The following SYT13 variants were observed in gnomAD, a reference collection of about 807,000 sequenced individuals.
The protein encoded by SYT13 is synaptotagmin-13.
Under a neutral mutation model 38.6 loss-of-function variants are expected in SYT13, and 21 were observed. The ratio of observed to expected loss-of-function variants is 0.54; its 90% CI spans 0.39 to 0.78. The LOEUF is 0.78. Ranked by LOEUF, SYT13 falls within the 30% of genes least tolerant of loss-of-function variation. The pLI is 0.00. For synonymous variants in SYT13, 241 were observed against 237.6 expected, an observed-to-expected ratio of 1.01 and a Z score of -0.13; for missense variants, 495 against 548.7, an observed-to-expected ratio of 0.90 and a Z score of 0.98.
intron 1 of SYT13, among the ~76,000 whole-genome samples, chr11:45,264,798 A>T (rs1854861879): frequency 6.6e-6 from 1 of 152,210 alleles, no homozygotes; most frequent in Admixed American, 6.5e-5. Context: ...TGTAGACACC[A>T]CTACACACCC....
intron 4 of SYT13, 141 bp from the exon 5 acceptor site, chr11:45,246,653 G>T: frequency 1.6e-6 from 2 of 1,236,112 alleles, no homozygotes; most frequent in Non-Finnish European, 2.2e-6. Flanking sequence ...ATGCTGGGGT[G>T]TCCACCCTTG....
chr11:45,270,908 G>A (rs1227436098), intron 1 of SYT13, among the ~76,000 whole-genome samples: 4 of 152,154 alleles, frequency 2.6e-5, no homozygotes, highest in African/African-American at 7.2e-5. Context: ...AAGTCAAACC[G>A]CTCCACATTA....
At chr11:45,274,195 G>T (rs1854983119) in intron 1 of SYT13, among the ~76,000 whole-genome samples, 2 of 152,104 alleles carry the variant, frequency 1.3e-5, no homozygotes, top group Non-Finnish European at 2.9e-5. Flanking sequence ...CTCAAAGATT[G>T]TTACCTAAAA....
intron 1 of SYT13, among the ~76,000 whole-genome samples, chr11:45,272,486 A>G (rs1195199593): frequency 3.9e-5 from 6 of 152,206 alleles, no homozygotes; most frequent in East Asian, 1.9e-4. Context: ...GATGGCCATT[A>G]AGGTGCTGCT....
At position 45,246,644 on chromosome 11, in the gene SYT13, T is replaced by C. The variant is rs571303715; in HGVS notation, c.847-132A>G. 24 of 1,316,310 alleles carry C rather than the reference T, an allele frequency of 1.8e-5. No individual in the cohort carries two copies. In the African/African-American group the frequency reaches 2.8e-4, roughly 15 times the overall value. The allele number at this position is 1,316,310 out of a possible 1,614,324, so 81.5% of individuals were successfully genotyped here. On this transcript the variant is annotated intron_variant, in intron 4 of 5. Transcript: ENST00000020926. The stretch of plus-strand genomic sequence containing the variant: ...ATCCTTGAAACCATTTACCCGTCAA[T>C]GCTGGGGTGTCCACCCTTGCAGAAG...
At chr11:45,266,292 C>T (rs981947014) in intron 1 of SYT13, among the ~76,000 whole-genome samples, 1 of 152,162 alleles carries the variant, frequency 6.6e-6, no homozygotes, top group Non-Finnish European at 1.5e-5. Context: ...CTGACACGTA[C>T]TCTAGGGAAG....
chr11:45,251,386 T>TAAAAAAAAAAAAA (rs10649998), intron 4 of SYT13, among the ~76,000 whole-genome samples: 2 of 75,372 alleles, frequency 2.7e-5, no homozygotes, highest in African/African-American at 1.2e-4. Context: ...AGACTCTGTC[T>TAAAAAAAAAAAAA]AAAAAAAAAA....
chr11:45,251,556 G>A (rs1854675453), intron 4 of SYT13, among the ~76,000 whole-genome samples: 1 of 152,132 alleles, frequency 6.6e-6, no homozygotes, highest in South Asian at 2.1e-4. Flanking sequence ...ATCTGGTTGA[G>A]AGACTAGTCA....
Position 45,270,959 on chromosome 11 carries a change from C to T in SYT13, c.183+15066G>A, listed in dbSNP as rs536756142. Among the ~76,000 whole-genome samples, 20 of 152,304 alleles carry T rather than the reference C, an allele frequency of 1.3e-4. 1 individual carries two copies. In the South Asian group the frequency reaches 4.1e-3, roughly 32 times the overall value. On this transcript the variant is annotated intron_variant, in intron 1 of 5. Transcript: ENST00000020926. ...GAAATCAGAACATACTTGTTGCCTG[C>T]CAATCACCTGTTCACCCACCCTACA... is the stretch of plus-strand genomic sequence containing the variant.
chr11:45,270,439 C>G (rs926108423), intron 1 of SYT13, among the ~76,000 whole-genome samples: 2 of 152,056 alleles, frequency 1.3e-5, no homozygotes, highest in African/African-American at 4.8e-5. Flanking sequence ...TTCAGAGAAG[C>G]TATAGGATTA....
At position 45,250,394 on chromosome 11, in the gene SYT13, G is replaced by T. The variant is rs564737239; in HGVS notation, c.846+2027C>A. ...TGGCACATGGTAGAAACTGGGCAAG[G>T]TATTTGCAGAATGAATGAATGAGTG... is the stretch of plus-strand genomic sequence containing the variant. On this transcript the variant is annotated intron_variant, in intron 4 of 5. Coordinates refer to ENST00000020926, the MANE Select transcript of SYT13 (RefSeq NM_020826.3). 3.9e-5 allele frequency among the ~76,000 whole-genome samples: 6 copies of T among 152,346 alleles called. No homozygotes were observed. In the South Asian group the frequency reaches 1.0e-3, roughly 26 times the overall value.
Position 45,246,232 on chromosome 11 carries a change from G to A in SYT13, c.976+151C>T, listed in dbSNP as rs563462857. The A allele has an allele frequency of 1.1e-4, 120 of 1,141,778 alleles. 2 individuals carry two copies. In the South Asian group the frequency reaches 1.9e-3, roughly 18 times the overall value. The allele number at this position is 1,141,778 out of a possible 1,614,324, so 70.7% of individuals were successfully genotyped here. A position where few individuals can be genotyped will look rare whatever the true frequency, so the allele number is the denominator to read the frequency against. ...CTCGAAAATCAATTTGTGAACTTAGGGTGAAGAACACCGCTGAGCATGGCT... is the reference window on the plus strand; with the variant it reads ...CTCGAAAATCAATTTGTGAACTTAGAGTGAAGAACACCGCTGAGCATGGCT... On this transcript the variant is annotated intron_variant, in intron 5 of 5. Transcript: ENST00000020926.
At chr11:45,254,923 G>A (rs760419344) in intron 2 of SYT13, among the ~76,000 whole-genome samples, 1 of 150,720 alleles carries the variant, frequency 6.6e-6, no homozygotes, top group Admixed American at 6.6e-5. Context: ...AGACCAGCCT[G>A]GGCCACATAG....
chr11:45,255,591 A>G (rs1220054349), intron 2 of SYT13, 75 bp downstream of exon 2: 2 of 1,435,074 alleles, frequency 1.4e-6, no homozygotes, highest in Admixed American at 3.9e-5. Flanking sequence ...CAGGCCACAC[A>G]CAGCATCTAC....
At chr11:45,258,697 G>C (rs192068238) in intron 1 of SYT13, among the ~76,000 whole-genome samples, 3 of 152,174 alleles carry the variant, frequency 2.0e-5, no homozygotes, top group Non-Finnish European at 2.9e-5. Context: ...CTGGGAGGCC[G>C]AGCTGGCCTT....
At position 45,264,896 on chromosome 11, in the gene SYT13, G is replaced by A. The variant is rs115002720; in HGVS notation, c.184-9005C>T. Among the ~76,000 whole-genome samples, 1,092 of 152,316 alleles carry A rather than the reference G, an allele frequency of 7.2e-3. 16 individuals are homozygous for A. Among genetic ancestry groups the A allele is most frequent in the African/African-American group, 0.025 (1,046 of 41,568 alleles). ...GGGATGGTCACTAGTGCCGGTGGAA[G>A]GGAAAATGGCAAGCCACGTTGGAAA... On this transcript the variant is annotated intron_variant, in intron 1 of 5. Transcript: ENST00000020926.
rs1317654091 is a variant in SYT13 at position 45,247,218 on chromosome 11, G to A, written c.847-706C>T. ...GTTTATTTGGAATTTCAACAAATCC[G>A]TCAAGGGACAAGAATGACCGAAAGA... On this transcript the variant is annotated intron_variant, in intron 4 of 5. Transcript: ENST00000020926. 4.6e-5 allele frequency among the ~76,000 whole-genome samples: 7 copies of A among 152,180 alleles called. No homozygotes were observed. In the East Asian group the frequency reaches 5.8e-4, roughly 13 times the overall value.
At chr11:45,270,774 T>C (rs1854939906) in intron 1 of SYT13, among the ~76,000 whole-genome samples, 1 of 152,186 alleles carries the variant, frequency 6.6e-6, no homozygotes, top group African/African-American at 2.4e-5. Flanking sequence ...TCCACTTATA[T>C]GCAGCACTTG....
rs546232466 is a variant in SYT13 at position 45,242,867 on chromosome 11, A to C, written c.*1185T>G. ...ATGTGGACATCTGTTTAGAATAACA[A>C]GGTAGGAATTCAAAACCTAGCTGCT... On this transcript the variant is annotated 3_prime_UTR_variant, in exon 6 of 6. Coordinates refer to ENST00000020926, the MANE Select transcript of SYT13 (RefSeq NM_020826.3). 2 of 152,364 alleles carry C rather than the reference A, an allele frequency of 1.3e-5. No homozygotes were observed. The highest frequency in any genetic ancestry group is 3.9e-4 in the East Asian group (2 of 5,190). The allele number at this position is 152,364 out of a possible 1,614,324, so 9.4% of individuals were successfully genotyped here. A position where few individuals can be genotyped will look rare whatever the true frequency, so the allele number is the denominator to read the frequency against.
Sources: allele counts gnomAD v4.1 joint callset (sites outside exome capture counted in the v4.1 genomes callset), GRCh38; gene constraint gnomAD v4.1.1; transcripts MANE v1.5; gene names NCBI Gene and HGNC (gene_info 2026-07-23, HGNC 2026-07-21).